Variants in MAGI2 observed in about 807,000 individuals in gnomAD.
MAGI2 encodes membrane-associated guanylate kinase, WW and PDZ domain-containing protein 2.
MAGI2 carries 35 observed loss-of-function variants against 133.3 expected under a neutral mutation model. The ratio of observed to expected loss-of-function variants is 0.26; its 90% CI spans 0.20 to 0.35. The LOEUF (loss-of-function observed/expected upper bound fraction) is 0.35. MAGI2 is among the 10% of genes least tolerant of loss of function. The pLI, the probability that MAGI2 is intolerant of heterozygous loss-of-function variation, is 1.00. For missense variants in MAGI2, 1,636 were observed against 1,863.4 expected (o/e 0.88, Z 2.25); for synonymous variants, 729 against 710.6 (o/e 1.03, Z -0.41).
intron 2 of MAGI2, among the ~76,000 whole-genome samples, chr7:78,980,441 T>C (rs1008797371): frequency 9.2e-5 from 14 of 151,872 alleles, no homozygotes; most frequent in Non-Finnish European, 4.4e-5. Flanking sequence ...TGGCCATCAG[T>C]ATCACCAGTA....
At chr7:78,475,452 A>G (rs1791649448) in intron 6 of MAGI2, among the ~76,000 whole-genome samples, 2 of 152,018 alleles carry the variant, frequency 1.3e-5, no homozygotes, top group Admixed American at 6.6e-5. Context: ...TCCTCCATGA[A>G]GGATTTCATA....
chr7:78,473,917 G>C (rs1382919024), intron 6 of MAGI2, among the ~76,000 whole-genome samples: 1 of 151,988 alleles, frequency 6.6e-6, no homozygotes, highest in Non-Finnish European at 1.5e-5. Context: ...TCTCTGGTCA[G>C]ATACCTATAA....
chr7:78,654,572 T>G (rs1054278071), intron 2 of MAGI2, among the ~76,000 whole-genome samples: 10 of 151,376 alleles, frequency 6.6e-5, no homozygotes, highest in Non-Finnish European at 1.3e-4. Context: ...CCAAGTTGAG[T>G]TCTGTGCTTA....
Position 78,154,971 on chromosome 7 carries a change from C to T in MAGI2, c.2845+5054G>A, listed in dbSNP as rs139548786. 2.6e-3 allele frequency among the ~76,000 whole-genome samples: 393 copies of T among 152,288 alleles called. 2 individuals carry two copies. The highest frequency in any genetic ancestry group is 8.7e-3 in the African/African-American group (360 of 41,562). ...CTACCTGAGTCTTCTCTAACCTGTGCATGCAGACCTCAGTGAGAATGAAAA... is the reference window on the plus strand; with the variant it reads ...CTACCTGAGTCTTCTCTAACCTGTGTATGCAGACCTCAGTGAGAATGAAAA... On this transcript the variant is annotated intron_variant, in intron 16 of 21. Transcript: ENST00000354212.
rs189961924 is a variant in MAGI2, at chr7:79,418,987, C to G, written c.301+34033G>C. 7.4e-3 allele frequency among the ~76,000 whole-genome samples: 1,120 copies of G among 151,998 alleles called. 6 individuals carry two copies. The highest frequency in any genetic ancestry group is 0.013 in the Non-Finnish European group (888 of 67,916). On this transcript the variant is annotated intron_variant, in intron 1 of 21. Coordinates refer to ENST00000354212, the MANE Select transcript of MAGI2 (RefSeq NM_012301.4). ...GAAAAATTAATTAACAATGCTACCC[C>G]AATGCCATTCCTAGACAGATACATA... is the stretch of plus-strand genomic sequence containing the variant.
intron 2 of MAGI2, among the ~76,000 whole-genome samples, chr7:78,748,485 T>C (rs190367010): frequency 6.6e-5 from 10 of 152,338 alleles, no homozygotes; most frequent in Admixed American, 4.6e-4. Context: ...GATTCATTAA[T>C]GCCAAGACAT....
At chr7:78,704,842 A>C (rs1818469341) in intron 2 of MAGI2, among the ~76,000 whole-genome samples, 1 of 136,970 alleles carries the variant, frequency 7.3e-6, no homozygotes, top group African/African-American at 2.8e-5. Context: ...GTGCAATGGC[A>C]TGACCTTGGC....
chr7:79,285,309 T>A (rs768744640), intron 1 of MAGI2, among the ~76,000 whole-genome samples: 2 of 152,240 alleles, frequency 1.3e-5, no homozygotes, highest in African/African-American at 2.4e-5. Flanking sequence ...AGATTCTTTT[T>A]TAAAGTTTTT....
At position 78,884,468 on chromosome 7, in the gene MAGI2, C is replaced by A. The variant is rs542120267; in HGVS notation, c.418+122622G>T. Among the ~76,000 whole-genome samples the A allele has an allele frequency of 5.3e-5, 8 of 152,110 alleles. 1 individual carries two copies. The highest frequency in any genetic ancestry group is 4.1e-4 in the South Asian group (2 of 4,820). On this transcript the variant is annotated intron_variant, in intron 2 of 21. Transcript: ENST00000354212. ...TTGCAGCCTGGGTAACAGAGCAAGA[C>A]CCTGTCTCCAAAAATAAATAAACAT...
At chr7:78,025,483 C>T (rs1352746856) in intron 21 of MAGI2, among the ~76,000 whole-genome samples, 1 of 152,166 alleles carries the variant, frequency 6.6e-6, no homozygotes, top group Non-Finnish European at 1.5e-5. Flanking sequence ...TAATAACTAG[C>T]ATAGCCCTCG....
chr7:78,103,421 C>G (rs1212007927), intron 20 of MAGI2, among the ~76,000 whole-genome samples: 3 of 152,214 alleles, frequency 2.0e-5, no homozygotes, highest in African/African-American at 7.2e-5. Context: ...AATGATCCTT[C>G]CGACACTTCC....
intron 1 of MAGI2, among the ~76,000 whole-genome samples, chr7:79,439,566 A>G (rs1848367930): frequency 6.6e-6 from 1 of 151,962 alleles, no homozygotes; most frequent in Non-Finnish European, 1.5e-5. Flanking sequence ...TTGCTTTTAT[A>G]TTTTTGCCTC....
At chr7:79,380,669 A>G (rs904668037) in intron 1 of MAGI2, among the ~76,000 whole-genome samples, 2 of 151,848 alleles carry the variant, frequency 1.3e-5, no homozygotes, top group South Asian at 2.1e-4. Flanking sequence ...TCTTTGTTTA[A>G]TCTTTTAAAA....
intron 2 of MAGI2, among the ~76,000 whole-genome samples, chr7:78,648,078 T>A (rs945821623): frequency 6.6e-6 from 1 of 152,146 alleles, no homozygotes; most frequent in East Asian, 1.9e-4. Context: ...CAAACCAACA[T>A]GGCACATGTA....
intron 1 of MAGI2, among the ~76,000 whole-genome samples, chr7:79,026,972 A>C (rs913134552): frequency 6.6e-6 from 1 of 152,204 alleles, no homozygotes; most frequent in African/African-American, 2.4e-5. Flanking sequence ...TGCTTAATTC[A>C]CTAATTATTA....
chr7:78,960,856 T>C (rs1425860579), intron 2 of MAGI2, among the ~76,000 whole-genome samples: 1 of 152,094 alleles, frequency 6.6e-6, no homozygotes, highest in Non-Finnish European at 1.5e-5. Flanking sequence ...TTAATCCTCA[T>C]TAGCCCATAT....
chr7:78,400,878 C>A (rs1016276375), intron 6 of MAGI2, among the ~76,000 whole-genome samples: 2 of 152,020 alleles, frequency 1.3e-5, no homozygotes, highest in Non-Finnish European at 2.9e-5. Context: ...CCTATGACAT[C>A]CTGCTGCTTA....
chr7:78,788,182 G>A (rs1279224187), intron 2 of MAGI2, among the ~76,000 whole-genome samples: 1 of 152,114 alleles, frequency 6.6e-6, no homozygotes, highest in African/African-American at 2.4e-5. Context: ...GGAAAGACCT[G>A]CATATTCCCT....
Position 78,421,371 on chromosome 7 carries a change from C to T in MAGI2, c.1046-52158G>A, listed in dbSNP as rs189440772. Among the ~76,000 whole-genome samples the T allele has an allele frequency of 1.2e-3, 187 of 152,270 alleles. 1 individual carries two copies. Among genetic ancestry groups the T allele is most frequent in the African/African-American group, 4.3e-3 (180 of 41,562 alleles). ...TTGTTGAGTTCTCTGAGGTGGTTAA[C>T]AATTATTGTGTGGCCAAATTGTAGA... On this transcript the variant is annotated intron_variant, in intron 6 of 21. Transcript: ENST00000354212.
Sources: allele counts gnomAD v4.1 joint callset (sites outside exome capture counted in the v4.1 genomes callset), GRCh38; gene constraint gnomAD v4.1.1; transcripts MANE v1.5; gene names NCBI Gene and HGNC (gene_info 2026-07-23, HGNC 2026-07-21).